Variants in RAPGEF5 observed in about 807,000 individuals in gnomAD.
RAPGEF5 encodes Rap guanine nucleotide exchange factor 5, also known as M-Ras-regulated GEF.
A neutral mutation model predicts 125.2 loss-of-function variants in RAPGEF5; 65 were observed. That is an observed-to-expected ratio of 0.52 (90% CI 0.43 to 0.64). The LOEUF is 0.64. Among genes scored for constraint, RAPGEF5 ranks in the 30% least tolerant of loss-of-function variants. The pLI is 0.00. For synonymous variants in RAPGEF5, 391 were observed against 385.9 expected, an observed-to-expected ratio of 1.01 and a Z score of -0.16; for missense variants, 958 against 1,048.1, an observed-to-expected ratio of 0.91 and a Z score of 1.19.
chr7:22,353,459 G>A (rs564331835), intron 1 of RAPGEF5, among the ~76,000 whole-genome samples: 6 of 152,154 alleles, frequency 3.9e-5, no homozygotes, highest in Admixed American at 1.3e-4. Flanking sequence ...TGAAAAATTT[G>A]TGAGTAAGAC....
intron 9 of RAPGEF5, among the ~76,000 whole-genome samples, chr7:22,197,691 C>T (rs555635635): frequency 7.2e-5 from 11 of 152,240 alleles, no homozygotes; most frequent in South Asian, 2.1e-4. Flanking sequence ...TTTCTGTCCC[C>T]GCCTTGCCCA....
intron 3 of RAPGEF5, among the ~76,000 whole-genome samples, chr7:22,310,674 T>C (rs930083901): frequency 6.6e-6 from 1 of 152,068 alleles, no homozygotes; most frequent in Non-Finnish European, 1.5e-5. Context: ...TTGTTTGCTA[T>C]TCTTCAAACA....
chr7:22,157,613 T>C (rs1783850076), intron 15 of RAPGEF5, among the ~76,000 whole-genome samples: 1 of 152,226 alleles, frequency 6.6e-6, no homozygotes, highest in Admixed American at 6.5e-5. Flanking sequence ...GACTCTAAAA[T>C]GCACCACAAA....
chr7:22,133,365 A>C (rs1351413588), intron 23 of RAPGEF5, among the ~76,000 whole-genome samples: 2 of 152,174 alleles, frequency 1.3e-5, no homozygotes, highest in African/African-American at 4.8e-5. Flanking sequence ...AAGGTATGAG[A>C]GAGAAACAAA....
At chr7:22,182,749 C>G (rs977770905) in intron 11 of RAPGEF5, among the ~76,000 whole-genome samples, 1 of 152,074 alleles carries the variant, frequency 6.6e-6, no homozygotes, top group African/African-American at 2.4e-5. Flanking sequence ...TAGCCTTCTT[C>G]TTTAAAGGGT....
At chr7:22,239,781 G>A (rs1786278406) in intron 7 of RAPGEF5, among the ~76,000 whole-genome samples, 1 of 152,124 alleles carries the variant, frequency 6.6e-6, no homozygotes, top group African/African-American at 2.4e-5. Flanking sequence ...TAGAGCAAAA[G>A]GTATCTCATA....
intron 6 of RAPGEF5, among the ~76,000 whole-genome samples, chr7:22,270,506 G>A (rs1017213235): frequency 5.3e-5 from 8 of 152,214 alleles, no homozygotes; most frequent in African/African-American, 7.2e-5. Context: ...TAGAGCCACT[G>A]TTGGGTTAGG....
At chr7:22,180,415 C>T (rs1019913189) in intron 11 of RAPGEF5, among the ~76,000 whole-genome samples, 11 of 152,110 alleles carry the variant, frequency 7.2e-5, no homozygotes, top group East Asian at 1.9e-4. Context: ...CCGTGTGTGA[C>T]GGGCAAGTGT....
chr7:22,129,915 G>T (rs961378112), intron 24 of RAPGEF5, among the ~76,000 whole-genome samples: 1 of 152,026 alleles, frequency 6.6e-6, no homozygotes, highest in African/African-American at 2.4e-5. Context: ...CTACATGTGG[G>T]GAGTTGGCTG....
At chr7:22,195,860 A>C (rs1475662108) in intron 9 of RAPGEF5, among the ~76,000 whole-genome samples, 1 of 152,230 alleles carries the variant, frequency 6.6e-6, no homozygotes, top group African/African-American at 2.4e-5. Context: ...TCCTTTAATC[A>C]TGCGCCAATA....
intron 6 of RAPGEF5, among the ~76,000 whole-genome samples, chr7:22,285,571 T>A (rs1782777884): frequency 6.6e-6 from 1 of 152,220 alleles, no homozygotes; most frequent in Admixed American, 6.5e-5. Flanking sequence ...AAGATGAATT[T>A]CTCCAATATA....
chr7:22,124,780 A>G (rs1023635308), intron 25 of RAPGEF5, among the ~76,000 whole-genome samples: 1 of 152,192 alleles, frequency 6.6e-6, no homozygotes, highest in African/African-American at 2.4e-5. Flanking sequence ...TACCCTTTGT[A>G]TCCACAGGAT....
chr7:22,249,816 C>G (rs2128137989), intron 7 of RAPGEF5, among the ~76,000 whole-genome samples: 1 of 152,300 alleles, frequency 6.6e-6, no homozygotes, highest in Admixed American at 6.5e-5. Flanking sequence ...TTGTCAAAGT[C>G]TGGCATCTGA....
intron 7 of RAPGEF5, among the ~76,000 whole-genome samples, chr7:22,264,781 T>C (rs868671967): frequency 5.9e-5 from 9 of 152,224 alleles, no homozygotes; most frequent in African/African-American, 2.2e-4. Context: ...TTACTTGCTC[T>C]TTCTCTGGCA....
chr7:22,270,671 T>A lies in RAPGEF5; in HGVS notation c.748-3659A>T, dbSNP rs77238625. 1.1e-3 allele frequency among the ~76,000 whole-genome samples: 162 copies of A among 152,338 alleles called. 3 individuals are homozygous for A. In the East Asian group the frequency reaches 0.027, roughly 26 times the overall value. ...TAAATTATTAGCTTGGCTTTTCCTG[T>A]CATAACCCTTCCCTACTATAATCCT... On this transcript the variant is annotated intron_variant, in intron 6 of 25. Coordinates refer to ENST00000665637, the MANE Select transcript of RAPGEF5 (RefSeq NM_012294.5).
At chr7:22,151,946 A>G (rs755231063) in intron 17 of RAPGEF5, among the ~76,000 whole-genome samples, 1 of 152,138 alleles carries the variant, frequency 6.6e-6, no homozygotes, top group Non-Finnish European at 1.5e-5. Context: ...CCCTCTTATA[A>G]CATAATAGCT....
intron 7 of RAPGEF5, among the ~76,000 whole-genome samples, chr7:22,232,751 A>G (rs1786090595): frequency 6.6e-6 from 1 of 152,226 alleles, no homozygotes; most frequent in Non-Finnish European, 1.5e-5. Flanking sequence ...AATGCTGTGC[A>G]TACAGTAGGG....
intron 13 of RAPGEF5, among the ~76,000 whole-genome samples, chr7:22,162,068 GATAA>G (rs1263617836): frequency 9.9e-5 from 15 of 152,094 alleles, no homozygotes; most frequent in Middle Eastern, 3.2e-3. Context: ...GTTTTTAAAT[GATAA>G]ATAATGTTTT....
chr7:22,245,859 C>G (rs564624948), intron 7 of RAPGEF5, among the ~76,000 whole-genome samples: 59 of 152,246 alleles, frequency 3.9e-4, no homozygotes, highest in Non-Finnish European at 4.4e-5. Flanking sequence ...GCTCCTGGGA[C>G]TGATAAGTGG....
Sources: gnomAD v4.1 joint callset for allele counts (sites outside exome capture counted in the v4.1 genomes callset) on GRCh38, gnomAD v4.1.1 for gene constraint, MANE v1.5 for transcripts, NCBI Gene and HGNC (gene_info 2026-07-23, HGNC 2026-07-21) for gene names.